CNDP1: variants seen among roughly 807,000 people sequenced by gnomAD.
CNDP1 encodes carnosine dipeptidase 1.
Under a neutral mutation model 58.1 loss-of-function variants are expected in CNDP1, and 44 were observed. That is an observed-to-expected ratio of 0.76 (90% CI 0.60 to 0.97). The LOEUF is 0.97. Ranked by LOEUF, CNDP1 falls within the 50% of genes least tolerant of loss-of-function variation. The pLI is 0.00. For synonymous variants in CNDP1, 254 were observed against 252.6 expected (o/e 1.01, Z -0.05); for missense variants, 616 against 655.1 (o/e 0.94, Z 0.65).
chr18:74,535,786 C>G (rs1568288905), intron 1 of CNDP1, among the ~76,000 whole-genome samples: 2 of 152,120 alleles, frequency 1.3e-5, no homozygotes. Flanking sequence ...AATCCCAACA[C>G]TTTAGGAGGC....
chr18:74,556,854 GTTGT>G (rs1178474404), intron 2 of CNDP1, among the ~76,000 whole-genome samples: 3 of 152,218 alleles, frequency 2.0e-5, no homozygotes, highest in South Asian at 2.1e-4. Flanking sequence ...CAACAGCAGC[GTTGT>G]TTGTTTTGTA....
chr18:74,561,298 C>T (rs572615595), intron 4 of CNDP1: 27 of 280,950 alleles, frequency 9.6e-5, no homozygotes, highest in Middle Eastern at 2.5e-3. Context: ...CGCCTGTAAT[C>T]CCAGCTACTT....
intron 7 of CNDP1, among the ~76,000 whole-genome samples, chr18:74,573,235 ACTAT>A (rs746317582): frequency 1.2e-3 from 179 of 148,280 alleles, no homozygotes; most frequent in Non-Finnish European, 1.9e-3. Context: ...CATCCATCCA[ACTAT>A]CTGTCTATCC....
chr18:74,571,117 C>A, intron 6 of CNDP1, 69 bp from the exon 7 acceptor site: 1 of 989,526 alleles, frequency 1.0e-6, no homozygotes, highest in South Asian at 1.3e-5. Context: ...TGTATTTCAC[C>A]ATGTGAAATG....
In CNDP1 at chr18:74,586,341, G is replaced by T. The variant is rs4892248; in HGVS notation, c.*1779G>T. On this transcript the variant is annotated 3_prime_UTR_variant, in exon 12 of 12. Transcript: ENST00000358821. ...TTTTGTGCTATTAAGTGTAGTTTGC[G>T]CTCATCTAATTATGCAGAGTTTCGT... The T allele has an allele frequency of 0.47, 71,354 of 152,140 alleles. 19,271 individuals are homozygous for T. Among genetic ancestry groups the T allele is most frequent in the Admixed American group, 0.59 (9,081 of 15,290 alleles). 9.4% of individuals were successfully genotyped at this position (152,140 alleles called of 1,614,324 possible).
intron 7 of CNDP1, among the ~76,000 whole-genome samples, chr18:74,573,951 T>C (rs1335388072): frequency 6.6e-6 from 1 of 152,376 alleles, no homozygotes; most frequent in Non-Finnish European, 1.5e-5. Flanking sequence ...GGTTTTCATA[T>C]GTTTTGTACA....
In CNDP1 at chr18:74,576,914, A is replaced by G; in HGVS notation, c.887A>G (p.Tyr296Cys). The G allele has an allele frequency of 6.2e-7, 1 of 1,613,576 alleles. No homozygotes were observed. Among genetic ancestry groups the G allele is most frequent in the Non-Finnish European group, 8.5e-7 (1 of 1,179,794 alleles). ...GGTCATATCCTGGTCCCTGGAATCTATGATGAAGTGGTTCCTCTTACAGAA... is the reference window on the plus strand; with the variant it reads ...GGTCATATCCTGGTCCCTGGAATCTGTGATGAAGTGGTTCCTCTTACAGAA... The part of the protein sequence containing the change: ...SSGHILVPGI[Y>C]DEVVPLTEEE... Residue 296 changes from tyrosine (Y) to cysteine (C), a missense_variant, in exon 8 of 12, where the codon TAT becomes TGT. Coordinates refer to ENST00000358821, the MANE Select transcript of CNDP1 (RefSeq NM_032649.6).
intron 2 of CNDP1, among the ~76,000 whole-genome samples, chr18:74,557,548 A>C (rs1599092480): frequency 1.3e-5 from 2 of 150,076 alleles, no homozygotes; most frequent in Non-Finnish European, 3.0e-5. Context: ...CCCCACCCCC[A>C]CTCTCCTAGG....
Position 74,550,917 on chromosome 18 carries a change from A to G in CNDP1, c.25-5421A>G, listed in dbSNP as rs117224577. On this transcript the variant is annotated intron_variant, in intron 1 of 11. Transcript: ENST00000358821. ...GCCCAGCCCATTATTGTATTTTGCAATGTGAGAAAGACATGAGATTTGAGG... is the reference window on the plus strand; with the variant it reads ...GCCCAGCCCATTATTGTATTTTGCAGTGTGAGAAAGACATGAGATTTGAGG... 6.8e-3 allele frequency among the ~76,000 whole-genome samples: 1,027 copies of G among 152,058 alleles called. 11 individuals carry two copies. The highest frequency in any genetic ancestry group is 8.8e-3 in the Non-Finnish European group (598 of 68,002).
intron 1 of CNDP1, among the ~76,000 whole-genome samples, chr18:74,535,294 C>T (rs940030975): frequency 1.3e-4 from 19 of 151,730 alleles, no homozygotes; most frequent in East Asian, 3.9e-4. Context: ...AATTCATGGA[C>T]GCTTTTTATT....
chr18:74,540,836 G>A (rs1266691804), intron 1 of CNDP1, among the ~76,000 whole-genome samples: 1 of 152,214 alleles, frequency 6.6e-6, no homozygotes, highest in Non-Finnish European at 1.5e-5. Context: ...TGAACTTACT[G>A]CAGATGGTCA....
chr18:74,540,332 A>G (rs1271327494), intron 1 of CNDP1, among the ~76,000 whole-genome samples: 1 of 152,002 alleles, frequency 6.6e-6, no homozygotes, highest in Non-Finnish European at 1.5e-5. Context: ...TAATTTTTGT[A>G]TATTTTAATA....
chr18:74,580,438 C>T (rs140505356), intron 10 of CNDP1, among the ~76,000 whole-genome samples, 167 bp downstream of exon 10: 3 of 152,322 alleles, frequency 2.0e-5, no homozygotes, highest in African/African-American at 7.2e-5. Context: ...CTATACACGC[C>T]ATCTCAAGTC....
chr18:74,562,438 C>T (rs17089403), intron 5 of CNDP1, among the ~76,000 whole-genome samples: 15,319 of 152,222 alleles, frequency 0.1, 1,196 homozygotes, highest in African/African-American at 0.22. Context: ...AAGCCTGTGG[C>T]CAAGCTGCTA....
chr18:74,534,728 G>T, intron 1 of CNDP1, 37 bp downstream of exon 1: 1 of 1,613,126 alleles, frequency 6.2e-7, no homozygotes, highest in Non-Finnish European at 8.5e-7. Flanking sequence ...CCGTGCATTG[G>T]GTGCCAGAAT....
At chr18:74,584,237 C>A in intron 11 of CNDP1, 1 of 487,018 alleles carries the variant, frequency 2.1e-6, no homozygotes, top group Non-Finnish European at 3.7e-6. Context: ...ACCCTGATAT[C>A]CATATCAGTG....
At chr18:74,547,763 AG>A (rs1980799153) in intron 1 of CNDP1, among the ~76,000 whole-genome samples, 1 of 152,238 alleles carries the variant, frequency 6.6e-6, no homozygotes, top group African/African-American at 2.4e-5. Flanking sequence ...AAGAAGACTC[AG>A]GAAGTGCCCC....
intron 1 of CNDP1, 60 bp downstream of exon 1, chr18:74,534,751 G>T (rs1393959040): frequency 6.2e-7 from 1 of 1,600,566 alleles, no homozygotes; most frequent in African/African-American, 1.3e-5. Flanking sequence ...CATTTGTCCC[G>T]GGAGCATGTG....
intron 1 of CNDP1, among the ~76,000 whole-genome samples, chr18:74,535,496 T>C (rs972764681): frequency 6.6e-6 from 1 of 150,720 alleles, no homozygotes; most frequent in East Asian, 2.0e-4. Context: ...TGCAAGACCA[T>C]GAGATTCCCA....
Sources: gnomAD v4.1 joint callset for allele counts (sites outside exome capture counted in the v4.1 genomes callset) on GRCh38, gnomAD v4.1.1 for gene constraint, MANE v1.5 for transcripts, NCBI Gene and HGNC (gene_info 2026-07-23, HGNC 2026-07-21) for gene names.